The following PAPPA2 variants were observed in gnomAD, a reference collection of about 807,000 sequenced individuals.
The protein encoded by PAPPA2 is pappalysin 2.
Under a neutral mutation model 176.4 loss-of-function variants are expected in PAPPA2, and 86 were observed. The ratio of observed to expected loss-of-function variants is 0.49; its 90% confidence interval spans 0.41 to 0.58. PAPPA2 has a LOEUF of 0.58. Among genes scored for constraint, PAPPA2 ranks in the 20% least tolerant of loss-of-function variants. The pLI is 0.00. For synonymous variants in PAPPA2, 809 were observed against 852.2 expected, an observed-to-expected ratio of 0.95 and a Z score of 0.88; for missense variants, 2,073 against 2,256.9, an observed-to-expected ratio of 0.92 and a Z score of 1.65.
At chr1:176,734,631 A>G (rs776262534) in intron 12 of PAPPA2, among the ~76,000 whole-genome samples, 12 of 152,074 alleles carry the variant, frequency 7.9e-5, no homozygotes, top group Non-Finnish European at 1.5e-4. Context: ...CCCTTCATCC[A>G]TTAGATTTGG....
chr1:176,736,915 T>C (rs1235854147), intron 12 of PAPPA2, among the ~76,000 whole-genome samples: 1 of 152,000 alleles, frequency 6.6e-6, no homozygotes, highest in Non-Finnish European at 1.5e-5. Context: ...CCAGTTCACA[T>C]TTCTACAAGT....
chr1:176,746,854 C>A (rs1662930732), intron 14 of PAPPA2, among the ~76,000 whole-genome samples: 1 of 152,100 alleles, frequency 6.6e-6, no homozygotes, highest in Admixed American at 6.5e-5. Flanking sequence ...TGGGGTTCTT[C>A]TCTCGCTTGT....
chr1:176,644,021 A>T (rs1001149170), intron 3 of PAPPA2, among the ~76,000 whole-genome samples: 4 of 151,852 alleles, frequency 2.6e-5, no homozygotes, highest in African/African-American at 9.7e-5. Flanking sequence ...CAGCCACCTC[A>T]ACACTTGCAA....
intron 3 of PAPPA2, among the ~76,000 whole-genome samples, chr1:176,633,245 T>A (rs2102711717): frequency 6.6e-6 from 1 of 152,186 alleles, no homozygotes; most frequent in East Asian, 1.9e-4. Flanking sequence ...GGTCCACAGA[T>A]GGGAGCTATA....
chr1:176,657,085 C>T (rs148771015), intron 3 of PAPPA2, among the ~76,000 whole-genome samples: 3 of 151,916 alleles, frequency 2.0e-5, no homozygotes, highest in South Asian at 4.2e-4. Flanking sequence ...TTGGGGAGTC[C>T]TCAAGAAGCA....
intron 1 of PAPPA2, among the ~76,000 whole-genome samples, chr1:176,496,833 G>A (rs6667264): frequency 0.29 from 44,288 of 152,112 alleles, 7,743 homozygotes; most frequent in African/African-American, 0.48. Flanking sequence ...CATTCAAGTT[G>A]TTTGGAGAGT....
rs1241831679 is a variant in PAPPA2 at position 176,843,052 on chromosome 1, T to C, written c.*598T>C. 6.6e-6 allele frequency: 1 copy of C among 151,592 alleles called. No individual in the cohort carries two copies. Among genetic ancestry groups the C allele is most frequent in the African/African-American group, 2.4e-5 (1 of 41,360 alleles). 9.4% of individuals were successfully genotyped at this position (151,592 alleles called of 1,614,324 possible). On this transcript the variant is annotated 3_prime_UTR_variant, in exon 23 of 23. Coordinates refer to ENST00000367662, the MANE Select transcript of PAPPA2 (RefSeq NM_020318.3). Reference sequence around the variant, plus strand: ...TTGCTGTTTACTAAGCTAAAAATTATTCATTGTTCCACACATGCTGCTGTG... The same window carrying C: ...TTGCTGTTTACTAAGCTAAAAATTACTCATTGTTCCACACATGCTGCTGTG...
intron 3 of PAPPA2, among the ~76,000 whole-genome samples, chr1:176,620,986 T>A (rs1655561776): frequency 6.6e-6 from 1 of 152,068 alleles, no homozygotes; most frequent in East Asian, 1.9e-4. Flanking sequence ...GCAAAGAGGT[T>A]AAAGTTTCCA....
At chr1:176,784,795 C>T (rs1209953413) in intron 17 of PAPPA2, among the ~76,000 whole-genome samples, 2 of 152,004 alleles carry the variant, frequency 1.3e-5, no homozygotes, top group Admixed American at 6.6e-5. Flanking sequence ...ACCATATTGG[C>T]CAGGCTGGTC....
chr1:176,702,588 A>G lies in PAPPA2; in HGVS notation c.3237-19A>G, dbSNP rs755687931. On this transcript the variant is annotated intron_variant, in intron 8 of 22. Coordinates refer to ENST00000367662, the MANE Select transcript of PAPPA2 (RefSeq NM_020318.3). ...TCACTTTGTGGCTGTAGTGGTCACA[A>G]ACCCTTTGGTTTCCACAGGGAGGTC... 1.2e-6 allele frequency: 2 copies of G among 1,613,230 alleles called. No individual in the cohort carries two copies. Among genetic ancestry groups the G allele is most frequent in the South Asian group, 2.2e-5 (2 of 91,024 alleles).
chr1:176,823,050 T>A (rs1666724558), intron 21 of PAPPA2, among the ~76,000 whole-genome samples: 1 of 152,236 alleles, frequency 6.6e-6, no homozygotes, highest in South Asian at 2.1e-4. Context: ...CAATATAATT[T>A]CTCTTTCAAG....
chr1:176,606,057 A>T (rs1304118821), intron 3 of PAPPA2, among the ~76,000 whole-genome samples: 1 of 151,588 alleles, frequency 6.6e-6, no homozygotes, highest in Non-Finnish European at 1.5e-5. Context: ...AAAATTATAT[A>T]TAATATTTTA....
At chr1:176,698,045 A>G (rs941371473) in intron 7 of PAPPA2, among the ~76,000 whole-genome samples, 3 of 152,144 alleles carry the variant, frequency 2.0e-5, no homozygotes, top group Non-Finnish European at 4.4e-5. Context: ...ATGTGTTTCT[A>G]TTTCCTGCCT....
chr1:176,675,801 T>C (rs1659257171), intron 4 of PAPPA2, among the ~76,000 whole-genome samples: 1 of 151,796 alleles, frequency 6.6e-6, no homozygotes, highest in Admixed American at 6.6e-5. Flanking sequence ...GCAAACAAGG[T>C]GAATAGGAAA....
At chr1:176,836,633 A>G (rs373167347) in intron 21 of PAPPA2, 1 of 152,220 alleles carries the variant, frequency 6.6e-6, no homozygotes, top group Non-Finnish European at 1.5e-5. Context: ...TCTTCTTCTT[A>G]GACACATCTT....
intron 1 of PAPPA2, among the ~76,000 whole-genome samples, chr1:176,471,517 A>G (rs1651873409): frequency 1.3e-5 from 2 of 152,334 alleles, no homozygotes; most frequent in South Asian, 4.1e-4. Context: ...TCGGTTAACC[A>G]TCAACCAGAT....
At chr1:176,627,230 T>A (rs1558481766) in intron 3 of PAPPA2, among the ~76,000 whole-genome samples, 1 of 152,206 alleles carries the variant, frequency 6.6e-6, no homozygotes, top group Non-Finnish European at 1.5e-5. Context: ...ATGTGTCCAC[T>A]GGTTTGGCAT....
At chr1:176,575,397 A>G (rs1328657957) in intron 2 of PAPPA2, among the ~76,000 whole-genome samples, 3 of 152,226 alleles carry the variant, frequency 2.0e-5, no homozygotes, top group Non-Finnish European at 2.9e-5. Context: ...TGATTAGATC[A>G]CCATCTGCCA....
intron 2 of PAPPA2, 91 bp downstream of exon 2, chr1:176,557,332 G>A: frequency 7.1e-7 from 1 of 1,415,126 alleles, no homozygotes; most frequent in Non-Finnish European, 9.3e-7. Flanking sequence ...GGATGGGAAG[G>A]GGACCCAACA....
Sources: gnomAD v4.1 joint callset for allele counts (sites outside exome capture counted in the v4.1 genomes callset) on GRCh38, gnomAD v4.1.1 for gene constraint, MANE v1.5 for transcripts, NCBI Gene and HGNC (gene_info 2026-07-23, HGNC 2026-07-21) for gene names.